The following SH3KBP1 variants were observed in gnomAD, a reference collection of about 807,000 sequenced individuals.
SH3KBP1 encodes SH3 domain containing kinase binding protein 1.
A neutral mutation model predicts 50.1 loss-of-function variants in SH3KBP1; 8 were observed. The observed-to-expected ratio is 0.16, with a 90% CI of 0.09 to 0.29. SH3KBP1 has a LOEUF of 0.29. Among genes scored for constraint, SH3KBP1 ranks in the 10% least tolerant of loss-of-function variants. The probability of loss-of-function intolerance (pLI) is 1.00; values close to 1 mark genes in which losing one functional copy is unlikely to be tolerated. For synonymous variants in SH3KBP1, 227 were observed against 218.6 expected, an observed-to-expected ratio of 1.04 and a Z score of -0.34; for missense variants, 377 against 535.2, an observed-to-expected ratio of 0.70 and a Z score of 2.92.
At position 19,719,849 on chromosome X, in the gene SH3KBP1, CTAATAATAATAA is replaced by C. The variant is rs59706273; in HGVS notation, c.287-12877_287-12866del. Among the ~76,000 whole-genome samples the C allele has an allele frequency of 8.7e-3, 874 of 100,565 alleles. 6 individuals carry two copies. Among genetic ancestry groups the C allele is most frequent in the Non-Finnish European group, 0.012 (610 of 50,337 alleles). The allele number at this position is 100,565 out of a possible 115,157, so 87.3% of individuals were successfully genotyped here. Reference sequence around the variant, plus strand: ...CAACATAGTGAGACCCCACCTCTAACTAATAATAATAATAATAATAATAATAATAACAATAAT... The same window carrying C: ...CAACATAGTGAGACCCCACCTCTAACTAATAATAATAATAATAACAATAAT... On this transcript the variant is annotated intron_variant, in intron 3 of 17. Coordinates refer to ENST00000397821, the MANE Select transcript of SH3KBP1 (RefSeq NM_031892.3).
intron 9 of SH3KBP1, among the ~76,000 whole-genome samples, chrX:19,607,087 T>C (rs1459603009): frequency 8.9e-6 from 1 of 112,612 alleles, no homozygotes. Flanking sequence ...TTTAGTATCC[T>C]TGGCAACGAA....
At chrX:19,729,250 C>G (rs1038550789) in intron 3 of SH3KBP1, among the ~76,000 whole-genome samples, 1 of 113,091 alleles carries the variant, frequency 8.8e-6, no homozygotes, top group African/African-American at 3.2e-5. Context: ...TTCTTTGTTT[C>G]AGTACAAAGC....
intron 2 of SH3KBP1, among the ~76,000 whole-genome samples, chrX:19,814,063 T>C (rs1278638778): frequency 9.1e-6 from 1 of 110,322 alleles, no homozygotes; most frequent in African/African-American, 3.3e-5. Flanking sequence ...ATCTCTAGCC[T>C]GGACCTGGCC....
chrX:19,734,445 G>C (rs2064474721), intron 3 of SH3KBP1, among the ~76,000 whole-genome samples: 1 of 111,926 alleles, frequency 8.9e-6, no homozygotes, highest in Non-Finnish European at 1.9e-5. Context: ...GGAGGTTAGT[G>C]GTAGGGGACA....
At chrX:19,554,347 T>TTAAAATA (rs1569279349) in intron 13 of SH3KBP1, among the ~76,000 whole-genome samples, 1 of 89,200 alleles carries the variant, frequency 1.1e-5, no homozygotes, top group African/African-American at 4.5e-5. Flanking sequence ...ATATATCATA[T>TTAAAATA]TAATATATTA....
chrX:19,656,668 G>A (rs1026245576), intron 6 of SH3KBP1, among the ~76,000 whole-genome samples: 5 of 111,887 alleles, frequency 4.5e-5, no homozygotes, highest in Admixed American at 9.5e-5. Context: ...AGGCATCGTG[G>A]AGAATATACC....
intron 9 of SH3KBP1, among the ~76,000 whole-genome samples, chrX:19,603,719 G>A (rs2067160738): frequency 8.9e-6 from 1 of 111,787 alleles, no homozygotes; most frequent in Admixed American, 9.4e-5. Context: ...ACAGGGTCTC[G>A]CTCTGTTGCC....
At chrX:19,873,307 T>TAC (rs2069122515) in intron 1 of SH3KBP1, among the ~76,000 whole-genome samples, 2 of 97,648 alleles carry the variant, frequency 2.0e-5, no homozygotes, top group African/African-American at 8.3e-5. Flanking sequence ...TATATATATA[T>TAC]ATATACATAT....
chrX:19,539,886 G>A (rs1165171379), intron 16 of SH3KBP1, among the ~76,000 whole-genome samples: 1 of 111,756 alleles, frequency 8.9e-6, no homozygotes, highest in Non-Finnish European at 1.9e-5. Flanking sequence ...GATGTTGGCC[G>A]GGGAAAGACA....
At chrX:19,681,091 T>A (rs1323696361) in intron 6 of SH3KBP1, among the ~76,000 whole-genome samples, 1 of 111,712 alleles carries the variant, frequency 9.0e-6, no homozygotes, top group Non-Finnish European at 1.9e-5. Context: ...AGGTTGAGCA[T>A]CCCTAATCCA....
At chrX:19,673,665 T>C (rs1018222730) in intron 6 of SH3KBP1, among the ~76,000 whole-genome samples, 2 of 111,202 alleles carry the variant, frequency 1.8e-5, no homozygotes, top group East Asian at 5.7e-4. Context: ...CCAGTCCACA[T>C]TCCTCAGCAC....
At chrX:19,764,705 AT>A (rs2065537072) in intron 2 of SH3KBP1, among the ~76,000 whole-genome samples, 1 of 111,508 alleles carries the variant, frequency 9.0e-6, no homozygotes, top group Non-Finnish European at 1.9e-5. Flanking sequence ...GTGCCTTAAT[AT>A]ATATCAAGTC....
intron 2 of SH3KBP1, among the ~76,000 whole-genome samples, chrX:19,767,874 TC>T (rs370280697): frequency 9.1e-6 from 1 of 110,184 alleles, no homozygotes; most frequent in Admixed American, 9.8e-5. Flanking sequence ...ACATCCTCCC[TC>T]CCCCCACACC....
intron 3 of SH3KBP1, among the ~76,000 whole-genome samples, chrX:19,716,148 C>T (rs2063903104): frequency 8.9e-6 from 1 of 111,933 alleles, no homozygotes; most frequent in Admixed American, 9.4e-5. Flanking sequence ...GTAGATTTAC[C>T]GATCTTGCAG....
intron 3 of SH3KBP1, among the ~76,000 whole-genome samples, chrX:19,737,586 G>C: frequency 9.0e-6 from 1 of 111,410 alleles, no homozygotes; most frequent in Non-Finnish European, 1.9e-5. Context: ...GTCAAAGCAA[G>C]TAGAGAAGGC....
chrX:19,560,513 C>T (rs138328613), intron 13 of SH3KBP1, among the ~76,000 whole-genome samples: 1,723 of 111,097 alleles, frequency 0.016, 36 homozygotes, highest in African/African-American at 0.053. Context: ...AGGCTGGTCT[C>T]GAACTGCTGG....
At chrX:19,568,699 A>G (rs2065919889) in intron 13 of SH3KBP1, among the ~76,000 whole-genome samples, 1 of 112,640 alleles carries the variant, frequency 8.9e-6, no homozygotes, top group Admixed American at 9.4e-5. Flanking sequence ...ACCATACCAA[A>G]GCTCATTTGA....
In SH3KBP1 at chrX:19,536,281, C is replaced by T. The variant is rs1011440587; in HGVS notation, c.*136G>A. 1.4e-5 allele frequency: 6 copies of T among 429,877 alleles called. No homozygotes were observed. Among genetic ancestry groups the T allele is most frequent in the Non-Finnish European group, 2.0e-5 (5 of 244,513 alleles). The allele number at this position is 429,877 out of a possible 1,213,427, so 35.4% of individuals were successfully genotyped here. On this transcript the variant is annotated 3_prime_UTR_variant, in exon 18 of 18. Transcript: ENST00000397821. ...TGGAATTTGTGTTGTGCTATCAAGA[C>T]TTTTGTGCTAATCTTTCAAACAGGG...
chrX:19,751,034 G>A (rs2065050908), intron 2 of SH3KBP1, among the ~76,000 whole-genome samples: 1 of 111,345 alleles, frequency 9.0e-6, no homozygotes, highest in Admixed American at 9.5e-5. Context: ...ACTATAGGAG[G>A]GAGACTCAAA....
Sources: gnomAD v4.1 joint callset for allele counts (sites outside exome capture counted in the v4.1 genomes callset) on GRCh38, gnomAD v4.1.1 for gene constraint, MANE v1.5 for transcripts, NCBI Gene and HGNC (gene_info 2026-07-23, HGNC 2026-07-21) for gene names.